The following WDR35 variants were observed in gnomAD, a reference collection of about 807,000 sequenced individuals.
The protein encoded by WDR35 is WD repeat-containing protein 35.
Under a neutral mutation model 158.3 loss-of-function variants are expected in WDR35, and 118 were observed. The ratio of observed to expected loss-of-function variants is 0.75; its 90% CI spans 0.64 to 0.87. WDR35 has a LOEUF of 0.87. Among genes scored for constraint, WDR35 ranks in the 40% least tolerant of loss-of-function variants. The pLI is 0.00. For missense variants in WDR35, 1,263 were observed against 1,405.8 expected, an observed-to-expected ratio of 0.90 and a Z score of 1.62; for synonymous variants, 448 against 476.1, an observed-to-expected ratio of 0.94 and a Z score of 0.77.
intron 9 of WDR35, 38 bp downstream of exon 9, chr2:19,969,442 G>A (rs1228323297): frequency 3.1e-6 from 5 of 1,587,598 alleles, no homozygotes; most frequent in Non-Finnish European, 4.3e-6. Context: ...TATTTAGTAA[G>A]AAACACTGTT....
At chr2:19,929,839 T>A (rs1670472294) in intron 25 of WDR35, among the ~76,000 whole-genome samples, 1 of 152,134 alleles carries the variant, frequency 6.6e-6, no homozygotes, top group Non-Finnish European at 1.5e-5. Context: ...ATTATTTTAC[T>A]TTTTCTTCAT....
chr2:19,969,483 A>G lies in WDR35; in HGVS notation c.1005T>C (p.Tyr335=), dbSNP rs1671965992. The G allele has an allele frequency of 6.2e-7, 1 of 1,611,016 alleles. No homozygotes were observed. Among genetic ancestry groups the G allele is most frequent in the African/African-American group, 1.3e-5 (1 of 74,876 alleles). Reference sequence around the variant, plus strand: ...TACAACTGCTCTTAATATTTACCTTATAATTAGGTCGAATGTTTGCAAAAT... The same window carrying G: ...TACAACTGCTCTTAATATTTACCTTGTAATTAGGTCGAATGTTTGCAAAAT... ...FIYFANIRPN[Y]KWGYCSNTVV... The change falls in exon 9 of 27, where the codon TAT becomes TAC. Residue 335 remains tyrosine (Y), a synonymous_variant. Transcript: ENST00000281405.
intron 10 of WDR35, chr2:19,962,286 A>C: frequency 3.1e-6 from 5 of 1,613,194 alleles, no homozygotes; most frequent in Non-Finnish European, 4.2e-6. Context: ...AGCTAATTTC[A>C]TTTGTTACCG....
chr2:19,953,247 T>C (rs1671307675), intron 12 of WDR35, among the ~76,000 whole-genome samples: 2 of 152,214 alleles, frequency 1.3e-5, no homozygotes, highest in African/African-American at 4.8e-5. Flanking sequence ...AGACTTACTG[T>C]GGGGAATCCC....
In WDR35 at chr2:19,932,329, T is replaced by A; in HGVS notation, c.2777A>T (p.Tyr926Phe). The A allele has an allele frequency of 2.5e-6, 4 of 1,613,346 alleles. No individual in the cohort carries two copies. The highest frequency in any genetic ancestry group is 3.4e-6 in the Non-Finnish European group (4 of 1,179,540). Residue 926 changes from tyrosine to phenylalanine, a missense_variant, in exon 23 of 27, where the codon TAT becomes TTT. Tyr to Phe is a conservative substitution (Grantham distance 22). Transcript: ENST00000281405. Reference protein sequence around the residue: ...KNKTLDAIELYRKANYFFDAA... With the variant: ...KNKTLDAIELFRKANYFFDAA... ...ATCAAAAAAGTAATTGGCTTTCCGA[T>A]AGAGTTCTATGGCATCAAGAGTTTT...
At chr2:19,965,170 G>T (rs533830924) in intron 10 of WDR35, among the ~76,000 whole-genome samples, 95 of 152,244 alleles carry the variant, frequency 6.2e-4, no homozygotes, top group Middle Eastern at 3.4e-3. Flanking sequence ...TAATCCGCCC[G>T]CCTTGGTCTC....
chr2:19,954,653 C>T (rs767465808), intron 11 of WDR35, among the ~76,000 whole-genome samples: 8 of 152,112 alleles, frequency 5.3e-5, no homozygotes, highest in Non-Finnish European at 1.2e-4. Context: ...TGGCTAGAAT[C>T]AAACAGTCAG....
At chr2:19,932,217 G>A in intron 23 of WDR35, 66 bp downstream of exon 23, 2 of 1,590,784 alleles carry the variant, frequency 1.3e-6, no homozygotes, top group Non-Finnish European at 1.7e-6. Flanking sequence ...TGGAGAATAT[G>A]CTCTTTCATA....
chr2:19,966,308 A>G (rs1244348816), intron 10 of WDR35, among the ~76,000 whole-genome samples: 1 of 152,212 alleles, frequency 6.6e-6, no homozygotes, highest in African/African-American at 2.4e-5. Context: ...TAAAAGCAAT[A>G]TAACTCCAAA....
Position 19,910,586 on chromosome 2 carries a change from T to A in WDR35, c.*2972A>T, listed in dbSNP as rs945001809. 3 of 152,234 alleles carry A rather than the reference T, an allele frequency of 2.0e-5. No individual in the cohort carries two copies. The highest frequency in any genetic ancestry group is 7.2e-5 in the African/African-American group (3 of 41,464). The allele number at this position is 152,234 out of a possible 1,614,324, so 9.4% of individuals were successfully genotyped here. On this transcript the variant is annotated 3_prime_UTR_variant, in exon 27 of 27. Transcript: ENST00000281405. ...TACTCAACGGGAAGTCAGTACATGT[T>A]TTTTGCAAGGAGAACAACATAACTG...
intron 8 of WDR35, among the ~76,000 whole-genome samples, chr2:19,970,823 G>A (rs141252782): frequency 4.6e-5 from 7 of 152,124 alleles, no homozygotes; most frequent in African/African-American, 7.2e-5. Flanking sequence ...CCTGGAGCAC[G>A]CCTATTCATC....
At chr2:19,927,637 C>A (rs1670397151) in intron 25 of WDR35, among the ~76,000 whole-genome samples, 2 of 152,140 alleles carry the variant, frequency 1.3e-5, no homozygotes. Flanking sequence ...CTATTAATAG[C>A]TCTTAACAAG....
At chr2:19,952,179 T>C (rs924237485) in intron 12 of WDR35, among the ~76,000 whole-genome samples, 1 of 152,094 alleles carries the variant, frequency 6.6e-6, no homozygotes, top group Non-Finnish European at 1.5e-5. Context: ...CCTCCCACCC[T>C]TCTGAGTCTC....
Position 19,932,264 on chromosome 2 carries a change from A to C in WDR35, c.2823+19T>G. 1 of 1,612,846 alleles carries C rather than the reference A, an allele frequency of 6.2e-7. No homozygotes were observed. Among genetic ancestry groups the C allele is most frequent in the Non-Finnish European group, 8.5e-7 (1 of 1,179,268 alleles). The stretch of plus-strand genomic sequence containing the variant: ...TGTGACTGGAACAAATCAACTATTC[A>C]CCAAGATTTTTACATTACCTTAAAC... On this transcript the variant is annotated intron_variant, in intron 23 of 26. Transcript: ENST00000281405.
chr2:19,987,202 GA>G (rs1327209203), intron 2 of WDR35, among the ~76,000 whole-genome samples: 3 of 152,164 alleles, frequency 2.0e-5, no homozygotes, highest in Non-Finnish European at 4.4e-5. Context: ...GTGCTTCATA[GA>G]AAGCAGGCAT....
At chr2:19,928,451 G>T (rs75832354) in intron 25 of WDR35, among the ~76,000 whole-genome samples, 30,546 of 152,032 alleles carry the variant, frequency 0.2, 3,316 homozygotes, top group East Asian at 0.4. Context: ...TTCTGTGTGT[G>T]TGTCTTTAAT....
At chr2:19,948,913 CA>C (rs989939090) in intron 13 of WDR35, among the ~76,000 whole-genome samples, 243 of 127,456 alleles carry the variant, frequency 1.9e-3, no homozygotes, top group African/African-American at 3.2e-3. Flanking sequence ...GACTCTGTCT[CA>C]AAAAAAAAAA....
At chr2:19,924,382 G>A (rs140092044) in intron 25 of WDR35, among the ~76,000 whole-genome samples, 5,308 of 152,128 alleles carry the variant, frequency 0.035, 300 homozygotes, top group African/African-American at 0.12. Context: ...GGCTAACATG[G>A]TGAAACCCCG....
At chr2:19,988,333 C>A (rs1672636205) in intron 2 of WDR35, among the ~76,000 whole-genome samples, 2 of 152,274 alleles carry the variant, frequency 1.3e-5, no homozygotes, top group Non-Finnish European at 2.9e-5. Flanking sequence ...GGTCTGAGGA[C>A]CAGCAACTCA....
Sources: allele counts gnomAD v4.1 joint callset (sites outside exome capture counted in the v4.1 genomes callset), GRCh38; gene constraint gnomAD v4.1.1; transcripts MANE v1.5; gene names NCBI Gene and HGNC (gene_info 2026-07-23, HGNC 2026-07-21).